The following PITPNC1 variants were observed in gnomAD, a reference collection of about 807,000 sequenced individuals.
PITPNC1 encodes the protein phosphatidylinositol transfer protein cytoplasmic 1.
A neutral mutation model predicts 44.7 loss-of-function variants in PITPNC1; 18 were observed. The ratio of observed to expected loss-of-function variants is 0.40; its 90% CI spans 0.28 to 0.60. PITPNC1 has a LOEUF of 0.60. Ranked by LOEUF, PITPNC1 falls within the 20% of genes least tolerant of loss-of-function variation. PITPNC1 has a pLI of 0.39. For synonymous variants in PITPNC1, 141 were observed against 149.6 expected (o/e 0.94, Z 0.42); for missense variants, 290 against 418.4 (o/e 0.69, Z 2.68).
intron 5 of PITPNC1, among the ~76,000 whole-genome samples, chr17:67,620,685 G>T (rs1362020930): frequency 1.3e-5 from 2 of 152,094 alleles, no homozygotes; most frequent in South Asian, 4.2e-4. Flanking sequence ...CACCAGAAAG[G>T]GTTCTCCAGA....
intron 4 of PITPNC1, among the ~76,000 whole-genome samples, chr17:67,563,190 C>A (rs1242142606): frequency 2.0e-5 from 3 of 152,064 alleles, no homozygotes; most frequent in Non-Finnish European, 2.9e-5. Flanking sequence ...GGCTTTGGAG[C>A]ACAGTTAATA....
intron 4 of PITPNC1, among the ~76,000 whole-genome samples, chr17:67,571,247 A>G (rs1215071257): frequency 6.6e-6 from 1 of 152,178 alleles, no homozygotes; most frequent in Non-Finnish European, 1.5e-5. Flanking sequence ...CCTGGGCAAC[A>G]CAGTGAGAGC....
chr17:67,607,042 C>T (rs938894961), intron 5 of PITPNC1, among the ~76,000 whole-genome samples: 5 of 152,126 alleles, frequency 3.3e-5, no homozygotes, highest in African/African-American at 7.2e-5. Context: ...ACCTCCAGCA[C>T]GGGGAAAGTA....
At chr17:67,683,977 C>CAAAAA (rs79101364) in intron 8 of PITPNC1, among the ~76,000 whole-genome samples, 5 of 61,494 alleles carry the variant, frequency 8.1e-5, no homozygotes, top group East Asian at 5.3e-4. Context: ...GACTCTGTCT[C>CAAAAA]AAAAAAAAAA....
chr17:67,521,773 G>A (rs927361458), intron 1 of PITPNC1, among the ~76,000 whole-genome samples: 3 of 152,106 alleles, frequency 2.0e-5, no homozygotes, highest in African/African-American at 7.2e-5. Flanking sequence ...AGTTACTCTC[G>A]GGCAGAACTT....
At chr17:67,386,398 G>A (rs921858292) in intron 1 of PITPNC1, among the ~76,000 whole-genome samples, 6 of 152,104 alleles carry the variant, frequency 3.9e-5, no homozygotes, top group African/African-American at 1.4e-4. Flanking sequence ...TCACCATGTT[G>A]TCCAGGCTGG....
chr17:67,489,526 C>T (rs1233515632), intron 1 of PITPNC1, among the ~76,000 whole-genome samples: 1 of 152,128 alleles, frequency 6.6e-6, no homozygotes, highest in East Asian at 1.9e-4. Flanking sequence ...ACGGGATTCA[C>T]CTTGTGGCTT....
At chr17:67,448,820 C>T (rs2039136542) in intron 1 of PITPNC1, among the ~76,000 whole-genome samples, 1 of 152,210 alleles carries the variant, frequency 6.6e-6, no homozygotes, top group Non-Finnish European at 1.5e-5. Context: ...TGCTCTGTCA[C>T]CCAGGCTGGA....
At chr17:67,684,633 G>A (rs949246889) in intron 8 of PITPNC1, among the ~76,000 whole-genome samples, 1 of 151,766 alleles carries the variant, frequency 6.6e-6, no homozygotes, top group Non-Finnish European at 1.5e-5. Flanking sequence ...GATTTCATAT[G>A]CTATATACAG....
intron 1 of PITPNC1, among the ~76,000 whole-genome samples, chr17:67,426,595 C>T (rs1311495455): frequency 6.6e-6 from 1 of 151,686 alleles, no homozygotes; most frequent in Admixed American, 6.6e-5. Context: ...ACAACACACA[C>T]CGGGGCCTGT....
At chr17:67,488,287 G>A (rs971431133) in intron 1 of PITPNC1, among the ~76,000 whole-genome samples, 9 of 152,176 alleles carry the variant, frequency 5.9e-5, no homozygotes, top group South Asian at 4.1e-4. Context: ...GGCGTGGAGC[G>A]CTTCGGAATT....
At chr17:67,593,910 AGGC>A (rs1417529073) in intron 5 of PITPNC1, among the ~76,000 whole-genome samples, 13 of 152,286 alleles carry the variant, frequency 8.5e-5, no homozygotes, top group African/African-American at 2.2e-4. Flanking sequence ...AAAAAAAATA[AGGC>A]ACAGCTTTGC....
intron 1 of PITPNC1, among the ~76,000 whole-genome samples, chr17:67,481,886 CAG>C (rs996700092): frequency 6.6e-6 from 1 of 151,984 alleles, no homozygotes; most frequent in African/African-American, 2.4e-5. Context: ...TGCAAAAGGC[CAG>C]AGAGTGTTCA....
At chr17:67,654,925 G>A (rs910181917) in intron 6 of PITPNC1, among the ~76,000 whole-genome samples, 6 of 152,066 alleles carry the variant, frequency 3.9e-5, no homozygotes, top group Non-Finnish European at 8.8e-5. Flanking sequence ...GAGCCACCAC[G>A]CCTGGCCAGG....
At chr17:67,607,949 C>T (rs1332063216) in intron 5 of PITPNC1, among the ~76,000 whole-genome samples, 3 of 152,026 alleles carry the variant, frequency 2.0e-5, no homozygotes, top group Admixed American at 2.0e-4. Context: ...AGGCTAGTCT[C>T]AAACTCTTGA....
At chr17:67,522,657 A>ATATTTTTTTTTTTTTTTTTTTTTTT in intron 1 of PITPNC1, among the ~76,000 whole-genome samples, 1 of 59,984 alleles carries the variant, frequency 1.7e-5, no homozygotes, top group East Asian at 8.1e-4. Flanking sequence ...TACCATTTTA[A>ATATTTTTTTTTTTTTTTTTTTTTTT]TCTTTTTTTT....
intron 2 of PITPNC1, among the ~76,000 whole-genome samples, chr17:67,541,468 T>TACAC (rs3051696): frequency 0.18 from 27,314 of 149,438 alleles, 2,593 homozygotes; most frequent in Middle Eastern, 0.3. Flanking sequence ...CAATTATACA[T>TACAC]ACACACACAC....
intron 1 of PITPNC1, among the ~76,000 whole-genome samples, chr17:67,491,892 C>T (rs1331166364): frequency 6.6e-6 from 1 of 151,970 alleles, no homozygotes; most frequent in Non-Finnish European, 1.5e-5. Flanking sequence ...GAGGTTTCTG[C>T]ACATTTTAGT....
intron 2 of PITPNC1, among the ~76,000 whole-genome samples, chr17:67,551,594 T>C (rs1233428543): frequency 6.6e-6 from 1 of 152,210 alleles, no homozygotes; most frequent in African/African-American, 2.4e-5. Flanking sequence ...ATACCAGTCA[T>C]TGGAGTTAGG....
Sources: gnomAD v4.1 joint callset for allele counts (sites outside exome capture counted in the v4.1 genomes callset) on GRCh38, gnomAD v4.1.1 for gene constraint, MANE v1.5 for transcripts, NCBI Gene and HGNC (gene_info 2026-07-23, HGNC 2026-07-21) for gene names.